Variants in SGCZ observed in about 807,000 individuals in gnomAD.
The protein encoded by SGCZ is zeta-sarcoglycan.
SGCZ carries 40 observed loss-of-function variants against 41.3 expected under a neutral mutation model. The observed-to-expected ratio is 0.97, with a 90% confidence interval of 0.75 to 1.26. SGCZ has a LOEUF of 1.26. Among genes scored for constraint, SGCZ ranks in the 50% most tolerant of loss-of-function variants. The pLI, the probability that SGCZ is intolerant of heterozygous loss-of-function variation, is 0.00. For missense variants in SGCZ, 552 were observed against 369.8 expected (o/e 1.49, Z -4.04); for synonymous variants, 206 against 137.5 (o/e 1.50, Z -3.49).
chr8:14,714,834 G>A (rs1008387883), intron 1 of SGCZ, among the ~76,000 whole-genome samples: 1 of 152,078 alleles, frequency 6.6e-6, no homozygotes, highest in African/African-American at 2.4e-5. Flanking sequence ...ATAATCCTCA[G>A]AGTCAGATAT....
At chr8:14,639,711 C>T (rs1806959378) in intron 1 of SGCZ, among the ~76,000 whole-genome samples, 1 of 151,270 alleles carries the variant, frequency 6.6e-6, no homozygotes, top group African/African-American at 2.4e-5. Context: ...CATAAATGTC[C>T]AGAGCTTTAT....
intron 1 of SGCZ, among the ~76,000 whole-genome samples, chr8:14,918,584 CA>C (rs1273003134): frequency 6.6e-6 from 1 of 152,082 alleles, no homozygotes; most frequent in East Asian, 1.9e-4. Flanking sequence ...ATGCAGTAGC[CA>C]ATCAATGAGA....
chr8:15,193,663 C>A (rs1004229677), intron 1 of SGCZ, among the ~76,000 whole-genome samples: 1 of 151,292 alleles, frequency 6.6e-6, no homozygotes, highest in African/African-American at 2.5e-5. Flanking sequence ...TCTCTTACAA[C>A]TGCAATTTCT....
rs755776601 is a variant in SGCZ at position 14,090,470 on chromosome 8, G to C, written c.912C>G (p.Ser304=). 2.5e-6 allele frequency: 4 copies of C among 1,612,834 alleles called. No individual in the cohort carries two copies. The South Asian group carries it at 3.3e-5, about 13-fold the overall frequency. The change falls in exon 8 of 8, where the codon TCC becomes TCG. Residue 304 remains serine (S), a synonymous_variant. Coordinates refer to ENST00000382080, the MANE Select transcript of SGCZ (RefSeq NM_139167.4). The stretch of plus-strand genomic sequence containing the variant: ...AGCTCCACAGGCAGATGTTGCTACT[G>C]GACTGACAAGTGGAACCTACTCCTG... ...SPAGVGSTCQ[S]SSNICLWS
rs540045764 is a variant in SGCZ at position 15,236,766 on chromosome 8, T to TCA, written c.39+817_39+818dup. ...CCGGATGCTCCCTCCGGGCAGGCCCTCACGGCCAAGCAGGGGACCCCAGAG... is the reference window on the plus strand; with the variant it reads ...CCGGATGCTCCCTCCGGGCAGGCCCTCACACGGCCAAGCAGGGGACCCCAGAG... On this transcript the variant is annotated intron_variant, in intron 1 of 7. Coordinates refer to ENST00000382080, the MANE Select transcript of SGCZ (RefSeq NM_139167.4). Among the ~76,000 whole-genome samples, 711 of 152,280 alleles carry TCA rather than the reference T, an allele frequency of 4.7e-3. 6 individuals are homozygous for TCA. Among genetic ancestry groups the TCA allele is most frequent in the Admixed American group, 7.2e-3 (111 of 15,312 alleles).
At chr8:15,109,194 C>T (rs761700623) in intron 1 of SGCZ, among the ~76,000 whole-genome samples, 2 of 152,076 alleles carry the variant, frequency 1.3e-5, no homozygotes, top group African/African-American at 4.8e-5. Flanking sequence ...CTGCAGAAAC[C>T]ACAGCAAAGA....
intron 1 of SGCZ, among the ~76,000 whole-genome samples, chr8:14,791,040 AG>A (rs1444727609): frequency 6.6e-6 from 1 of 151,502 alleles, no homozygotes; most frequent in Non-Finnish European, 1.5e-5. Flanking sequence ...CAAAAAAAAA[AG>A]AAAAAAAAAA....
intron 5 of SGCZ, among the ~76,000 whole-genome samples, chr8:14,154,347 C>T (rs968847723): frequency 2.5e-4 from 38 of 151,634 alleles, no homozygotes; most frequent in South Asian, 6.3e-4. Context: ...CCAGCCTGAG[C>T]GACATAGCAA....
At chr8:14,190,218 T>C (rs982073549) in intron 4 of SGCZ, among the ~76,000 whole-genome samples, 1 of 151,892 alleles carries the variant, frequency 6.6e-6, no homozygotes, top group Non-Finnish European at 1.5e-5. Context: ...TTCACCGTGT[T>C]AGCCAGGATG....
At chr8:14,223,643 G>A (rs942714397) in intron 4 of SGCZ, among the ~76,000 whole-genome samples, 3 of 152,086 alleles carry the variant, frequency 2.0e-5, no homozygotes, top group Admixed American at 6.6e-5. Flanking sequence ...AGATGCTATA[G>A]GTAATTTAAT....
chr8:14,544,835 C>A lies in SGCZ; in HGVS notation c.234+9897G>T, dbSNP rs181993611. 4.5e-3 allele frequency among the ~76,000 whole-genome samples: 685 copies of A among 152,238 alleles called. 4 individuals carry two copies. The highest frequency in any genetic ancestry group is 7.5e-3 in the Non-Finnish European group (508 of 68,018). ...TTTGCCTTGTGATCTTTCTTGGGCC[C>A]TTATCAGTAGTCCTGCTTTTGCCCT... On this transcript the variant is annotated intron_variant, in intron 2 of 7. Coordinates refer to ENST00000382080, the MANE Select transcript of SGCZ (RefSeq NM_139167.4).
intron 2 of SGCZ, among the ~76,000 whole-genome samples, chr8:14,554,438 T>A (rs1322529587): frequency 6.6e-6 from 1 of 152,080 alleles, no homozygotes; most frequent in East Asian, 1.9e-4. Context: ...ACACAGTAAG[T>A]AATAGTTCAT....
Position 15,237,627 on chromosome 8 carries a change from G to C in SGCZ, c.-4C>G. On this transcript the variant is annotated 5_prime_UTR_variant, in exon 1 of 8. Coordinates refer to ENST00000382080, the MANE Select transcript of SGCZ (RefSeq NM_139167.4). ...CCAGGTTCGTTGATCTGTCCATGGA[G>C]CGCAACTAAACGAAGTGGAGAGGAA... The C allele has an allele frequency of 6.3e-7, 1 of 1,583,292 alleles. No individual in the cohort carries two copies. The highest frequency in any genetic ancestry group is 8.6e-7 in the Non-Finnish European group (1 of 1,162,586).
intron 5 of SGCZ, among the ~76,000 whole-genome samples, chr8:14,163,092 G>C (rs1804095836): frequency 1.3e-5 from 2 of 152,076 alleles, no homozygotes; most frequent in Non-Finnish European, 2.9e-5. Context: ...GGCTGGACTT[G>C]AACCAAGCGA....
intron 1 of SGCZ, among the ~76,000 whole-genome samples, chr8:14,604,657 T>C (rs558133812): frequency 2.0e-5 from 3 of 152,172 alleles, no homozygotes; most frequent in Non-Finnish European, 2.9e-5. Context: ...CAGCTCATAG[T>C]ATTGTTTCCA....
chr8:14,699,076 A>G (rs1189549300), intron 1 of SGCZ, among the ~76,000 whole-genome samples: 1 of 151,818 alleles, frequency 6.6e-6, no homozygotes, highest in East Asian at 1.9e-4. Flanking sequence ...TTTAATTTAT[A>G]CAAACAAAAA....
rs182650816 is a variant in SGCZ, at chr8:14,694,356, G to C, written c.40-139430C>G. 1.5e-3 allele frequency among the ~76,000 whole-genome samples: 223 copies of C among 152,212 alleles called. 1 individual carries two copies. The South Asian group carries it at 0.018, about 12-fold the overall frequency. ...ATACAGGCAAAGAATCTATTTTTCT[G>C]GGATATTTTGCATATTCAGATTCTT... On this transcript the variant is annotated intron_variant, in intron 1 of 7. Transcript: ENST00000382080.
intron 1 of SGCZ, among the ~76,000 whole-genome samples, chr8:15,094,336 T>C (rs1236422845): frequency 6.6e-6 from 1 of 152,058 alleles, no homozygotes; most frequent in Non-Finnish European, 1.5e-5. Flanking sequence ...CATTTCACCA[T>C]GTTGGCCAGG....
At chr8:14,550,105 T>C (rs1585070159) in intron 2 of SGCZ, among the ~76,000 whole-genome samples, 1 of 151,992 alleles carries the variant, frequency 6.6e-6, no homozygotes, top group Admixed American at 6.6e-5. Context: ...AGAAAATTCG[T>C]AAGATCATTG....
Sources: gnomAD v4.1 joint callset for allele counts (sites outside exome capture counted in the v4.1 genomes callset) on GRCh38, gnomAD v4.1.1 for gene constraint, MANE v1.5 for transcripts, NCBI Gene and HGNC (gene_info 2026-07-23, HGNC 2026-07-21) for gene names.